The following ARL15 variants were observed in gnomAD, a reference collection of about 807,000 sequenced individuals.
The protein encoded by ARL15 is ARF like GTPase 15.
Under a neutral mutation model 25.2 loss-of-function variants are expected in ARL15, and 19 were observed. The observed-to-expected ratio is 0.75, with a 90% CI of 0.53 to 1.10. The LOEUF (loss-of-function observed/expected upper bound fraction) is 1.10. Ranked by LOEUF, ARL15 falls within the 50% of genes least tolerant of loss-of-function variation. The pLI, the probability that ARL15 is intolerant of heterozygous loss-of-function variation, is 0.00. For synonymous variants in ARL15, 94 were observed against 86.8 expected, an observed-to-expected ratio of 1.08 and a Z score of -0.46; for missense variants, 220 against 246.0, an observed-to-expected ratio of 0.89 and a Z score of 0.71.
chr5:54,138,990 C>T (rs549814574), intron 3 of ARL15, among the ~76,000 whole-genome samples: 3 of 152,130 alleles, frequency 2.0e-5, no homozygotes, highest in African/African-American at 7.2e-5. Context: ...GCAAGAATGG[C>T]CATTATTAAA....
At chr5:53,916,822 T>C (rs970605621) in intron 4 of ARL15, among the ~76,000 whole-genome samples, 1 of 152,160 alleles carries the variant, frequency 6.6e-6, no homozygotes, top group Non-Finnish European at 1.5e-5. Flanking sequence ...TGACAGGTCA[T>C]GTAGGAAACT....
intron 4 of ARL15, among the ~76,000 whole-genome samples, chr5:54,059,563 T>C (rs1180411975): frequency 6.6e-6 from 1 of 152,090 alleles, no homozygotes; most frequent in East Asian, 1.9e-4. Context: ...AAACAGTATT[T>C]GAGAAAATGT....
chr5:54,193,130 T>G (rs745321503), intron 1 of ARL15, among the ~76,000 whole-genome samples: 40 of 152,188 alleles, frequency 2.6e-4, no homozygotes, highest in Non-Finnish European at 8.8e-5. Context: ...CTCCCTTAAG[T>G]ACTCTCAAAC....
At chr5:54,062,494 A>C in intron 4 of ARL15, among the ~76,000 whole-genome samples, 1 of 148,568 alleles carries the variant, frequency 6.7e-6, no homozygotes, top group African/African-American at 2.5e-5. Flanking sequence ...AGTGAATGAG[A>C]CTCACGAGAT....
chr5:54,249,742 G>A (rs1757192830), intron 1 of ARL15, among the ~76,000 whole-genome samples: 1 of 151,712 alleles, frequency 6.6e-6, no homozygotes, highest in Admixed American at 6.6e-5. Context: ...AGTTGTCTGA[G>A]GAATACACAG....
intron 3 of ARL15, among the ~76,000 whole-genome samples, chr5:54,124,818 C>T (rs1411865532): frequency 1.3e-5 from 2 of 152,104 alleles, no homozygotes; most frequent in African/African-American, 2.4e-5. Context: ...ATTACTAAAA[C>T]CCCACAGAAA....
At position 53,885,519 on chromosome 5, in the gene ARL15, C is replaced by G. The variant is rs147770204; in HGVS notation, c.*1042G>C. The G allele has an allele frequency of 3.9e-5, 6 of 152,656 alleles. No homozygotes were observed. The East Asian group carries it at 7.7e-4, about 20-fold the overall frequency. The allele number at this position is 152,656 out of a possible 1,614,324, so 9.5% of individuals were successfully genotyped here. A position where few individuals can be genotyped will look rare whatever the true frequency, so the allele number is the denominator to read the frequency against. On this transcript the variant is annotated 3_prime_UTR_variant, in exon 5 of 5. Transcript: ENST00000504924. Reference sequence around the variant, plus strand: ...AAAATAGAGGTTTATAATAGAAATACTGATAAACCTTTAACTACTAGAGGA... The same window carrying G: ...AAAATAGAGGTTTATAATAGAAATAGTGATAAACCTTTAACTACTAGAGGA...
chr5:53,896,889 C>T (rs1314590570), intron 4 of ARL15, among the ~76,000 whole-genome samples: 4 of 152,118 alleles, frequency 2.6e-5, no homozygotes, highest in Admixed American at 6.6e-5. Flanking sequence ...TCTTAGAAAA[C>T]GTCGGTCTTC....
intron 4 of ARL15, among the ~76,000 whole-genome samples, chr5:53,901,803 A>G (rs1411694260): frequency 1.3e-5 from 2 of 152,188 alleles, no homozygotes; most frequent in Non-Finnish European, 2.9e-5. Flanking sequence ...TGCCTCAGTA[A>G]CTGAAATGTT....
intron 1 of ARL15, among the ~76,000 whole-genome samples, chr5:54,269,569 T>G (rs987897175): frequency 1.3e-5 from 2 of 152,202 alleles, no homozygotes; most frequent in Non-Finnish European, 2.9e-5. Context: ...AAAGTAAAAC[T>G]TTTCAGTAAT....
At chr5:54,127,928 C>T (rs559530213) in intron 3 of ARL15, among the ~76,000 whole-genome samples, 172 of 152,176 alleles carry the variant, frequency 1.1e-3, no homozygotes, top group Middle Eastern at 3.4e-3. Context: ...AAAGGATTCC[C>T]TATTTAATAA....
chr5:54,248,180 T>C (rs567761602), intron 1 of ARL15, among the ~76,000 whole-genome samples: 4 of 152,268 alleles, frequency 2.6e-5, no homozygotes, highest in African/African-American at 9.6e-5. Context: ...CCCAGAGTGA[T>C]GGTTTCTGAA....
intron 4 of ARL15, among the ~76,000 whole-genome samples, chr5:54,088,358 A>G (rs981223402): frequency 6.6e-6 from 1 of 152,228 alleles, no homozygotes; most frequent in Non-Finnish European, 1.5e-5. Context: ...AATGTGAAGT[A>G]AACGAGTAAA....
At chr5:54,020,645 C>T (rs924599584) in intron 4 of ARL15, among the ~76,000 whole-genome samples, 5 of 152,050 alleles carry the variant, frequency 3.3e-5, no homozygotes, top group African/African-American at 7.2e-5. Flanking sequence ...ACCAGAAGCA[C>T]CTCAACTTGA....
chr5:54,108,232 C>A (rs1752644852), intron 4 of ARL15, among the ~76,000 whole-genome samples: 1 of 152,042 alleles, frequency 6.6e-6, no homozygotes, highest in Non-Finnish European at 1.5e-5. Flanking sequence ...GACTTCCAAA[C>A]CCTCTCATTG....
chr5:54,237,426 T>A (rs150879444), intron 1 of ARL15, among the ~76,000 whole-genome samples: 97 of 152,276 alleles, frequency 6.4e-4, no homozygotes, highest in Middle Eastern at 3.4e-3. Context: ...AGAAGTACCC[T>A]GAAGTATTAG....
chr5:54,225,978 G>A (rs1033055352), intron 1 of ARL15, among the ~76,000 whole-genome samples: 4 of 152,202 alleles, frequency 2.6e-5, no homozygotes, highest in African/African-American at 9.7e-5. Flanking sequence ...GGAGCAGTGA[G>A]GTTCCAGCAG....
intron 4 of ARL15, among the ~76,000 whole-genome samples, chr5:54,109,330 T>A (rs1444065248): frequency 6.6e-6 from 1 of 151,998 alleles, no homozygotes; most frequent in Non-Finnish European, 1.5e-5. Flanking sequence ...GATATACTAT[T>A]TCTGAAAAAG....
intron 1 of ARL15, among the ~76,000 whole-genome samples, chr5:54,249,696 T>C (rs1489740099): frequency 6.7e-6 from 1 of 150,242 alleles, no homozygotes; most frequent in Non-Finnish European, 1.5e-5. Flanking sequence ...AAAAAAACTT[T>C]AACAGCTGTA....
Sources: allele counts gnomAD v4.1 joint callset (sites outside exome capture counted in the v4.1 genomes callset), GRCh38; gene constraint gnomAD v4.1.1; transcripts MANE v1.5; gene names NCBI Gene and HGNC (gene_info 2026-07-23, HGNC 2026-07-21).